The following THOC2 variants were observed in gnomAD, a reference collection of about 807,000 sequenced individuals.
The protein encoded by THOC2 is THO complex subunit 2, also known as THO complex 2.
Under a neutral mutation model 128.4 loss-of-function variants are expected in THOC2, and 10 were observed. The observed-to-expected ratio is 0.08, with a 90% CI of 0.05 to 0.13. The LOEUF (loss-of-function observed/expected upper bound fraction) is 0.13, where lower values mean the gene tolerates loss of function less well. Among genes scored for constraint, THOC2 ranks in the 10% least tolerant of loss-of-function variants. The pLI is 1.00. For missense variants in THOC2, 535 were observed against 1,155.7 expected, an observed-to-expected ratio of 0.46 and a Z score of 7.79; for synonymous variants, 393 against 396.9, an observed-to-expected ratio of 0.99 and a Z score of 0.12.
intron 36 of THOC2, among the ~76,000 whole-genome samples, 173 bp downstream of exon 36, chrX:123,613,226 C>G (rs1246994801): frequency 1.8e-5 from 2 of 110,978 alleles, no homozygotes; most frequent in Non-Finnish European, 1.9e-5. Flanking sequence ...TAATCTGGGA[C>G]TGAACTGACT....
At chrX:123,615,927 A>G (rs1458053150) in intron 33 of THOC2, among the ~76,000 whole-genome samples, 1 of 111,123 alleles carries the variant, frequency 9.0e-6, no homozygotes, top group African/African-American at 3.3e-5. Flanking sequence ...TGCCTAATGA[A>G]TTAAATGCAT....
chrX:123,709,187 A>G (rs2051071986), intron 2 of THOC2, among the ~76,000 whole-genome samples: 1 of 112,568 alleles, frequency 8.9e-6, no homozygotes, highest in African/African-American at 3.2e-5. Context: ...CAGGTGAAAA[A>G]CTTTATATTT....
intron 23 of THOC2, 49 bp downstream of exon 23, chrX:123,627,644 T>C (rs373352145): frequency 1.3e-5 from 15 of 1,139,872 alleles, no homozygotes; most frequent in African/African-American, 1.3e-4. Context: ...ATAGGTAACA[T>C]TGAATACCAT....
At chrX:123,717,074 C>T (rs1025121955) in intron 1 of THOC2, among the ~76,000 whole-genome samples, 2 of 111,701 alleles carry the variant, frequency 1.8e-5, no homozygotes, top group Non-Finnish European at 3.8e-5. Context: ...CAACAGAGTA[C>T]TAAAAGTCCT....
intron 10 of THOC2, among the ~76,000 whole-genome samples, chrX:123,667,712 C>T (rs942607008): frequency 9.1e-6 from 1 of 109,525 alleles, no homozygotes; most frequent in African/African-American, 3.3e-5. Context: ...GCACTCCAGC[C>T]CGGGTGAAAG....
chrX:123,658,028 G>A (rs1169323903), intron 12 of THOC2, among the ~76,000 whole-genome samples: 1 of 108,111 alleles, frequency 9.2e-6, no homozygotes, highest in Admixed American at 1.0e-4. Context: ...AATGACTTCA[G>A]TGATGCAAGG....
At chrX:123,632,760 CA>C (rs1221420405) in intron 21 of THOC2, 100 bp downstream of exon 21, 3 of 678,410 alleles carry the variant, frequency 4.4e-6, no homozygotes, top group African/African-American at 2.2e-5. Context: ...GTCTCATATT[CA>C]AATGATGTGC....
At chrX:123,639,319 G>C (rs893751536) in intron 16 of THOC2, among the ~76,000 whole-genome samples, 43 of 111,502 alleles carry the variant, frequency 3.9e-4, no homozygotes, top group African/African-American at 1.3e-3. Flanking sequence ...GAACTGCAAT[G>C]AATCTGTAGA....
chrX:123,726,238 G>A (rs1428074768), intron 1 of THOC2, among the ~76,000 whole-genome samples: 2 of 106,963 alleles, frequency 1.9e-5, no homozygotes, highest in African/African-American at 6.8e-5. Context: ...ATAGCAGGAA[G>A]CACCATGTCT....
At chrX:123,603,694 G>A (rs1186918394) in intron 38 of THOC2, 16 of 438,583 alleles carry the variant, frequency 3.6e-5, no homozygotes, top group South Asian at 8.0e-5. Flanking sequence ...AGTGACGCAC[G>A]GAGCTTTGGC....
chrX:123,731,814 T>A (rs1319814303), intron 1 of THOC2, among the ~76,000 whole-genome samples: 2 of 111,405 alleles, frequency 1.8e-5, no homozygotes, highest in Admixed American at 9.6e-5. Context: ...AACGCGTTCC[T>A]CGTGTTTCGT....
At chrX:123,719,383 A>T (rs1329242820) in intron 1 of THOC2, among the ~76,000 whole-genome samples, 7 of 110,572 alleles carry the variant, frequency 6.3e-5, no homozygotes, top group African/African-American at 2.3e-4. Context: ...GACAAAAAAT[A>T]AGTATCGAAG....
chrX:123,677,985 T>C (rs1208563278), intron 8 of THOC2, among the ~76,000 whole-genome samples: 1 of 110,971 alleles, frequency 9.0e-6, no homozygotes, highest in African/African-American at 3.3e-5. Context: ...TCAGTATCAC[T>C]GTCTTCCATC....
intron 1 of THOC2, among the ~76,000 whole-genome samples, chrX:123,730,227 G>A (rs1412239483): frequency 1.9e-5 from 2 of 107,125 alleles, no homozygotes; most frequent in Non-Finnish European, 3.8e-5. Flanking sequence ...TACCCATGCT[G>A]GAGTGCAACA....
chrX:123,630,017 T>C (rs2047413986), intron 22 of THOC2, among the ~76,000 whole-genome samples: 1 of 111,881 alleles, frequency 8.9e-6, no homozygotes, highest in Admixed American at 9.4e-5. Flanking sequence ...ACATGATAGC[T>C]CCAATCTCCC....
chrX:123,669,005 T>G (rs1251231163), intron 9 of THOC2, among the ~76,000 whole-genome samples: 1 of 111,650 alleles, frequency 9.0e-6, no homozygotes, highest in Non-Finnish European at 1.9e-5. Context: ...GGCAACAAAT[T>G]ACTCAGTAGT....
intron 4 of THOC2, among the ~76,000 whole-genome samples, chrX:123,702,565 A>G (rs1178811407): frequency 1.9e-5 from 2 of 105,600 alleles, no homozygotes; most frequent in Non-Finnish European, 3.8e-5. Flanking sequence ...ATACATATAT[A>G]TTATACACAT....
Position 123,665,655 on chromosome X carries a change from G to T in THOC2, c.1373C>A (p.Ser458Ter). 8.7e-7 allele frequency: 1 copy of T among 1,150,081 alleles called. No individual in the cohort carries two copies. The highest frequency in any genetic ancestry group is 2.3e-5 in the South Asian group (1 of 44,429). 94.8% of individuals were successfully genotyped at this position (1,150,081 alleles called of 1,213,427 possible). ...AATCTTACTTACCTCCTTCATAAAT[G>T]ACTTGCCTATGCGCACCACTTTTGC... ...LFAKVVRIGK[S>*]FMKEFQSDGS... is the part of the protein sequence containing the mutation. Residue 458 changes from serine to a stop codon, truncating the protein, a stop_gained, in exon 12 of 39, where the codon TCA (serine) becomes TAA (stop). Transcript: ENST00000245838. LOFTEE classifies it high-confidence loss of function.
At chrX:123,647,952 A>G (rs2048200884) in intron 12 of THOC2, among the ~76,000 whole-genome samples, 1 of 111,237 alleles carries the variant, frequency 9.0e-6, no homozygotes, top group South Asian at 3.9e-4. Context: ...GACCTGGCAA[A>G]TTGTTTAAAT....
Sources: allele counts gnomAD v4.1 joint callset (sites outside exome capture counted in the v4.1 genomes callset), GRCh38; gene constraint gnomAD v4.1.1; transcripts MANE v1.5; gene names NCBI Gene and HGNC (gene_info 2026-07-23, HGNC 2026-07-21).